Variants in ATP8B2 observed in about 807,000 individuals in gnomAD.
ATP8B2 encodes the protein ATPase phospholipid transporting 8B2.
In ATP8B2, 70 loss-of-function variants were observed where a neutral mutation model predicts 133.4. That is an observed-to-expected ratio of 0.52 (90% CI 0.43 to 0.64). The LOEUF (loss-of-function observed/expected upper bound fraction) is 0.64, where lower values mean the gene tolerates loss of function less well. ATP8B2 is among the 30% of genes least tolerant of loss of function. ATP8B2 has a pLI of 0.00. For missense variants in ATP8B2, 1,101 were observed against 1,535.7 expected, an observed-to-expected ratio of 0.72 and a Z score of 4.73; for synonymous variants, 517 against 589.5, an observed-to-expected ratio of 0.88 and a Z score of 1.78.
chr1:154,347,412 T>C (rs2149176705), intron 26 of ATP8B2, among the ~76,000 whole-genome samples: 1 of 152,200 alleles, frequency 6.6e-6, no homozygotes, highest in East Asian at 1.9e-4. Context: ...GGAAGAACTT[T>C]GAGTTTTTGA....
chr1:154,344,190 A>G lies in ATP8B2; in HGVS notation c.1971A>G (p.Pro657=). 6.2e-7 allele frequency: 1 copy of G among 1,614,248 alleles called. No homozygotes were observed. The highest frequency in any genetic ancestry group is 8.5e-7 in the Non-Finnish European group (1 of 1,180,036). ...AIEDKLQQGV[P]ETIALLTLAN... ...AGGACAAACTTCAGCAAGGGGTTCC[A>G]GAGACCATTGCCCTCCTGACACTGG... The change falls in exon 19 of 28, where the codon CCA becomes CCG. Residue 657 remains proline, a synonymous_variant. Transcript: ENST00000368489. The surrounding 1 kb of genome is among the most constrained non-coding windows in gnomAD (Gnocchi z 4.1).
chr1:154,343,798 ACC>A lies in ATP8B2; in HGVS notation c.1759-93_1759-92del. 2.1e-6 allele frequency: 3 copies of A among 1,409,776 alleles called. No individual in the cohort carries two copies. Among genetic ancestry groups the A allele is most frequent in the Non-Finnish European group, 2.9e-6 (3 of 1,037,614 alleles). The allele number at this position is 1,409,776 out of a possible 1,614,324, so 87.3% of individuals were successfully genotyped here. A position where few individuals can be genotyped will look rare whatever the true frequency, so the allele number is the denominator to read the frequency against. ...TCCCTAACTGTGGAATGTGGCACAC[ACC>A]CAGTCTACAGTGCAGGATTATTCAT... On this transcript the variant is annotated intron_variant, in intron 17 of 27. Transcript: ENST00000368489. The surrounding 1 kb of genome is among the most constrained non-coding windows in gnomAD (Gnocchi z 5.8).
chr1:154,343,812 G>A lies in ATP8B2; in HGVS notation c.1759-81G>A. 2 of 1,480,464 alleles carry A rather than the reference G, an allele frequency of 1.4e-6. No homozygotes were observed. Among genetic ancestry groups the A allele is most frequent in the African/African-American group, 2.8e-5 (2 of 71,486 alleles). The allele number at this position is 1,480,464 out of a possible 1,614,324, so 91.7% of individuals were successfully genotyped here. On this transcript the variant is annotated intron_variant, in intron 17 of 27. Transcript: ENST00000368489. This position sits in a 1 kb window ranked among gnomAD's most constrained non-coding sequence, Gnocchi z 5.8. ...ATGTGGCACACACCCAGTCTACAGT[G>A]CAGGATTATTCATTGTCGCCCTCAC...
rs778472221 is a variant in ATP8B2 at position 154,348,442 on chromosome 1, G to A, written c.3198G>A (p.Val1066=). 21 of 1,613,190 alleles carry A rather than the reference G, an allele frequency of 1.3e-5. No homozygotes were observed. In the Admixed American group the frequency reaches 3.0e-4, roughly 23 times the overall value. ...NAQNTLAQPT[V]WLTIVLTTVV... is the part of the protein sequence containing the mutation. ...AGAACACCTTGGCCCAGCCCACGGT[G>A]TGGCTGACCATTGTGCTCACCACAG... Residue 1066 remains valine, a synonymous_variant, in exon 27 of 28, where the codon GTG becomes GTA. Transcript: ENST00000368489.
Position 154,349,294 on chromosome 1 carries a change from C to T in ATP8B2, c.*176C>T, listed in dbSNP as rs1570876501. On this transcript the variant is annotated 3_prime_UTR_variant, in exon 28 of 28. Transcript: ENST00000368489. ...GGACATCTGTTCCCAGCTGTAGGCC[C>T]TTCCACCAGCTGGGGAGCTAGAGGG... 1 of 896,172 alleles carries T rather than the reference C, an allele frequency of 1.1e-6. No homozygotes were observed. Among genetic ancestry groups the T allele is most frequent in the South Asian group, 1.8e-5 (1 of 56,248 alleles). The allele number at this position is 896,172 out of a possible 1,614,324, so 55.5% of individuals were successfully genotyped here.
intron 14 of ATP8B2, 129 bp from the exon 15 acceptor site, chr1:154,342,667 C>G (rs959999014): frequency 3.5e-6 from 5 of 1,441,884 alleles, no homozygotes; most frequent in Non-Finnish European, 4.8e-6. Context: ...CTGGTGATGA[C>G]GGAAGTGGAA....
Position 154,346,446 on chromosome 1 carries a change from C to G in ATP8B2, c.2994C>G (p.Ala998=), listed in dbSNP as rs749041270. Reference sequence around the variant, plus strand: ...ACCAGTCCTTTGCAGTCACTGTGGCCACATCCTTGGTCATTGTGGTTAGCG... The same window carrying G: ...ACCAGTCCTTTGCAGTCACTGTGGCGACATCCTTGGTCATTGTGGTTAGCG... ...ADYQSFAVTV[A]TSLVIVVSVQ... Residue 998 remains alanine, a synonymous_variant, in exon 25 of 28, where the codon GCC becomes GCG. Coordinates refer to ENST00000368489, the MANE Select transcript of ATP8B2 (RefSeq NM_001370597.1). This position sits in a 1 kb window ranked among gnomAD's most constrained non-coding sequence, Gnocchi z 4.5. 9 of 1,614,080 alleles carry G rather than the reference C, an allele frequency of 5.6e-6. No homozygotes were observed. The highest frequency in any genetic ancestry group is 7.6e-6 in the Non-Finnish European group (9 of 1,179,956).
intron 13 of ATP8B2, chr1:154,341,344 G>A (rs1231991780): frequency 2.2e-6 from 1 of 462,794 alleles, no homozygotes; most frequent in East Asian, 4.2e-5. Context: ...AATTAGCCAG[G>A]TATGGTGGCA....
Position 154,344,280 on chromosome 1 carries a change from G to T in ATP8B2, c.2035+26G>T. 6.2e-7 allele frequency: 1 copy of T among 1,614,208 alleles called. No homozygotes were observed. The highest frequency in any genetic ancestry group is 8.5e-7 in the Non-Finnish European group (1 of 1,180,002). On this transcript the variant is annotated intron_variant, in intron 19 of 27. Coordinates refer to ENST00000368489, the MANE Select transcript of ATP8B2 (RefSeq NM_001370597.1). The surrounding 1 kb of genome is among the most constrained non-coding windows in gnomAD (Gnocchi z 4.1). ...GTGAGAGCCCAGCAGGGCAGAGCCAGTTGCAACTGACAGTAGCCCTGTTGG... is the reference window on the plus strand; with the variant it reads ...GTGAGAGCCCAGCAGGGCAGAGCCATTTGCAACTGACAGTAGCCCTGTTGG...
rs367849376 is a variant in ATP8B2, at chr1:154,343,217, G to A, written c.1558G>A (p.Val520Ile). 42 of 1,614,080 alleles carry A rather than the reference G, an allele frequency of 2.6e-5. No homozygotes were observed. In the Middle Eastern group the frequency reaches 4.9e-4, roughly 19 times the overall value. Residue 520 changes from valine (V) to isoleucine (I), a missense_variant, in exon 16 of 28, where the codon GTC becomes ATC. Coordinates refer to ENST00000368489, the MANE Select transcript of ATP8B2 (RefSeq NM_001370597.1). This position sits in a 1 kb window ranked among gnomAD's most constrained non-coding sequence, Gnocchi z 5.8. The stretch of plus-strand genomic sequence containing the variant: ...CTCTCGCACCCCCAAAACAATCACC[G>A]TCCATGAGATGGGCACAGCCATCAC... ...FRSRTPKTIT[V>I]HEMGTAITYQ...
chr1:154,346,576 G>C lies in ATP8B2; in HGVS notation c.3025-44G>C. ...CACAGTTCTGTTTCTGGGGGAAGGG[G>C]CTTTTAGGGCGTGCGCCTGCCTGAC... On this transcript the variant is annotated intron_variant, in intron 25 of 27. Coordinates refer to ENST00000368489, the MANE Select transcript of ATP8B2 (RefSeq NM_001370597.1). The surrounding 1 kb of genome is among the most constrained non-coding windows in gnomAD (Gnocchi z 4.5). 1 of 1,613,014 alleles carries C rather than the reference G, an allele frequency of 6.2e-7. No individual in the cohort carries two copies. The highest frequency in any genetic ancestry group is 1.1e-5 in the South Asian group (1 of 90,978).
chr1:154,342,397 G>T, intron 13 of ATP8B2, 83 bp from the exon 14 acceptor site: 1 of 1,378,688 alleles, frequency 7.3e-7, no homozygotes, highest in Non-Finnish European at 1.0e-6. Context: ...TGCCTACGGG[G>T]ATTCTGCATT....
Position 154,349,967 on chromosome 1 carries a change from TG to T in ATP8B2, c.*852del, listed in dbSNP as rs1173420281. Reference sequence around the variant, plus strand: ...CTGGATTCCTTAGTCCTGCTGGCCTTGGGCTGGAGCCTAGGAAAGTGGCCCC... The same window carrying T: ...CTGGATTCCTTAGTCCTGCTGGCCTTGGCTGGAGCCTAGGAAAGTGGCCCC... On this transcript the variant is annotated 3_prime_UTR_variant, in exon 28 of 28. Coordinates refer to ENST00000368489, the MANE Select transcript of ATP8B2 (RefSeq NM_001370597.1). The T allele has an allele frequency of 6.6e-6, 1 of 152,436 alleles. No homozygotes were observed. The highest frequency in any genetic ancestry group is 1.5e-5 in the Non-Finnish European group (1 of 68,198). The allele number at this position is 152,436 out of a possible 1,614,324, so 9.4% of individuals were successfully genotyped here. A position where few individuals can be genotyped will look rare whatever the true frequency, so the allele number is the denominator to read the frequency against.
Position 154,346,062 on chromosome 1 carries a change from TG to T in ATP8B2, c.2779-166del, listed in dbSNP as rs1450678015. Among the ~76,000 whole-genome samples, 1 of 152,138 alleles carries T rather than the reference TG, an allele frequency of 6.6e-6. No individual in the cohort carries two copies. The highest frequency in any genetic ancestry group is 1.5e-5 in the Non-Finnish European group (1 of 68,018). On this transcript the variant is annotated intron_variant, in intron 24 of 27. Transcript: ENST00000368489. This position sits in a 1 kb window ranked among gnomAD's most constrained non-coding sequence, Gnocchi z 4.5. Reference sequence around the variant, plus strand: ...GGCTGCAGCTGATCTAGAACTCTCTTGGGTTGCTGAACTAAGTTAGTCTGGG... The same window carrying T: ...GGCTGCAGCTGATCTAGAACTCTCTTGGTTGCTGAACTAAGTTAGTCTGGG...
chr1:154,336,234 A>G (rs1227597938), intron 11 of ATP8B2, among the ~76,000 whole-genome samples: 2 of 152,094 alleles, frequency 1.3e-5, no homozygotes, highest in African/African-American at 4.8e-5. Context: ...TTGAGAGCTA[A>G]TCAACTATTT....
rs1207141825 is a variant in ATP8B2, at chr1:154,345,178, G to A, written c.2470+24G>A. The A allele has an allele frequency of 1.2e-6, 2 of 1,608,402 alleles. No individual in the cohort carries two copies. The highest frequency in any genetic ancestry group is 2.2e-5 in the East Asian group (1 of 44,778). On this transcript the variant is annotated intron_variant, in intron 22 of 27. Transcript: ENST00000368489. This position sits in a 1 kb window ranked among gnomAD's most constrained non-coding sequence, Gnocchi z 5.6. ...AAGTGAGTGTGGGCTGTGCAGGTGT[G>A]TAGGCTGGGCTTGAGGCTGGGGAGG...
rs61808683 is a variant in ATP8B2, at chr1:154,334,786, C to T, written c.837+195C>T. On this transcript the variant is annotated intron_variant, in intron 11 of 27. Coordinates refer to ENST00000368489, the MANE Select transcript of ATP8B2 (RefSeq NM_001370597.1). The surrounding 1 kb of genome is among the most constrained non-coding windows in gnomAD (Gnocchi z 4.6). Reference sequence around the variant, plus strand: ...ATGTTATTTAAAAAAACTTCAGGAACGTGCATGAATCAACAACTTAAAGCT... The same window carrying T: ...ATGTTATTTAAAAAAACTTCAGGAATGTGCATGAATCAACAACTTAAAGCT... Among the ~76,000 whole-genome samples the T allele has an allele frequency of 0.011, 1,693 of 152,158 alleles. 16 individuals carry two copies. The highest frequency in any genetic ancestry group is 0.017 in the Middle Eastern group (5 of 294).
chr1:154,342,833 C>T lies in ATP8B2; in HGVS notation c.1325C>T (p.Ala442Val). 1 of 1,614,186 alleles carries T rather than the reference C, an allele frequency of 6.2e-7. No homozygotes were observed. The highest frequency in any genetic ancestry group is 8.5e-7 in the Non-Finnish European group (1 of 1,180,026). The change falls in exon 15 of 28, where the codon GCT becomes GTT. Residue 442 changes from alanine to valine, a missense_variant. Transcript: ENST00000368489. Reference protein sequence around the residue: ...EPVDFSFNPLADKKFLFWDPS... With the variant: ...EPVDFSFNPLVDKKFLFWDPS... ...GTTGACTTCTCCTTCAATCCTCTGG[C>T]TGACAAGAAGTTCTTATTTTGGGAC... is the stretch of plus-strand genomic sequence containing the variant.
At chr1:154,347,693 T>C (rs560405593) in intron 26 of ATP8B2, among the ~76,000 whole-genome samples, 13 of 152,018 alleles carry the variant, frequency 8.6e-5, no homozygotes, top group Non-Finnish European at 1.9e-4. Context: ...ATAATCCCAG[T>C]ACTTTGGGAG....
Sources: allele counts gnomAD v4.1 joint callset (sites outside exome capture counted in the v4.1 genomes callset), GRCh38; gene constraint gnomAD v4.1.1; non-coding constraint Gnocchi (gnomAD v3.1); transcripts MANE v1.5; gene names NCBI Gene and HGNC (gene_info 2026-07-23, HGNC 2026-07-21).